BAZ1A: variants seen among roughly 807,000 people sequenced by gnomAD.
BAZ1A encodes bromodomain adjacent to zinc finger domain 1A.
A neutral mutation model predicts 185.2 loss-of-function variants in BAZ1A; 50 were observed. The ratio of observed to expected loss-of-function variants is 0.27; its 90% CI spans 0.22 to 0.34. The LOEUF (loss-of-function observed/expected upper bound fraction) is 0.34, where lower values mean the gene tolerates loss of function less well. Among genes scored for constraint, BAZ1A ranks in the 10% least tolerant of loss-of-function variants. The pLI, the probability that BAZ1A is intolerant of heterozygous loss-of-function variation, is 1.00. For missense variants in BAZ1A, 1,356 were observed against 1,839.9 expected, an observed-to-expected ratio of 0.74 and a Z score of 4.81; for synonymous variants, 571 against 615.6, an observed-to-expected ratio of 0.93 and a Z score of 1.07.
rs756026403 is a variant in BAZ1A at position 34,874,538 on chromosome 14, C to G, written c.67G>C (p.Glu23Gln). 41 of 1,611,872 alleles carry G rather than the reference C, an allele frequency of 2.5e-5. No homozygotes were observed. The highest frequency in any genetic ancestry group is 3.5e-5 in the Non-Finnish European group (41 of 1,179,036). Residue 23 changes from glutamate (E) to glutamine (Q), a missense_variant, in exon 2 of 27, where the codon GAA becomes CAA. Transcript: ENST00000360310. This position sits in a 1 kb window ranked among gnomAD's most constrained non-coding sequence, Gnocchi z 4.7. ...KPPADLRPDE[E>Q]VFYCKVTNEI... ...TTGGTGACTTTACAGTAGAAAACTT[C>G]CTCGTCGGGCCGCAGGTCCGCGGGC...
chr14:34,816,604 A>C (rs1323856589), intron 4 of BAZ1A: 1 of 175,762 alleles, frequency 5.7e-6, no homozygotes, highest in African/African-American at 2.4e-5. Context: ...GCTTTAAATC[A>C]CAATAACAGA....
intron 3 of BAZ1A, among the ~76,000 whole-genome samples, chr14:34,859,406 GGGCAACA>G (rs1478072703): frequency 6.8e-6 from 1 of 146,248 alleles, no homozygotes; most frequent in Non-Finnish European, 1.5e-5. Context: ...TGCACAGTCT[GGGCAACA>G]GGGCCAGACC....
chr14:34,773,874 G>T, intron 19 of BAZ1A, 148 bp from the exon 20 acceptor site: 1 of 800,406 alleles, frequency 1.2e-6, no homozygotes, highest in Non-Finnish European at 1.9e-6. Flanking sequence ...AGGTTACTAA[G>T]TGGCCAAACT....
intron 2 of BAZ1A, among the ~76,000 whole-genome samples, chr14:34,869,959 A>G (rs758123795): frequency 6.6e-6 from 1 of 152,166 alleles, no homozygotes; most frequent in Non-Finnish European, 1.5e-5. Flanking sequence ...GAGTTCCCAG[A>G]CCTGTGACTG....
chr14:34,863,438 C>G (rs1480852624), intron 2 of BAZ1A, among the ~76,000 whole-genome samples: 1 of 152,044 alleles, frequency 6.6e-6, no homozygotes, highest in Non-Finnish European at 1.5e-5. Context: ...GCTGGGATTA[C>G]AGGTGTGAGC....
intron 4 of BAZ1A, among the ~76,000 whole-genome samples, chr14:34,820,122 GTTTTTTTT>G (rs59706713): frequency 1.2e-5 from 1 of 80,662 alleles, no homozygotes; most frequent in Non-Finnish European, 2.2e-5. Context: ...TGGGTTCCTC[GTTTTTTTT>G]TTTTTTTTTT....
At chr14:34,763,758 TAA>T (rs1292899990) in intron 23 of BAZ1A, among the ~76,000 whole-genome samples, 1 of 152,222 alleles carries the variant, frequency 6.6e-6, no homozygotes, top group African/African-American at 2.4e-5. Context: ...ATTTTTAAAT[TAA>T]GATATAGAAA....
At chr14:34,822,694 T>C (rs912520967) in intron 4 of BAZ1A, among the ~76,000 whole-genome samples, 1 of 152,178 alleles carries the variant, frequency 6.6e-6, no homozygotes, top group Non-Finnish European at 1.5e-5. Flanking sequence ...CAAGTATCCG[T>C]ATACAAGGGA....
At chr14:34,827,116 A>G (rs937590696) in intron 3 of BAZ1A, among the ~76,000 whole-genome samples, 2 of 151,570 alleles carry the variant, frequency 1.3e-5, no homozygotes, top group African/African-American at 2.4e-5. Context: ...AATATCTCCT[A>G]TTGGTTCTGT....
rs140498181 is a variant in BAZ1A, at chr14:34,753,670, C to T, written c.4509G>A (p.Ser1503=). ...EFIDDIELMF[S]NCFEYNPRNT... ...TACGAGGGTTGTATTCAAAGCAGTT[C>T]GAAAACATTAACTCAATGTCATCAA... The change falls in exon 27 of 27, where the codon TCG becomes TCA. Residue 1503 remains serine, a synonymous_variant. Coordinates refer to ENST00000360310, the MANE Select transcript of BAZ1A (RefSeq NM_013448.3). 163 of 1,601,532 alleles carry T rather than the reference C, an allele frequency of 1.0e-4. No individual in the cohort carries two copies. The highest frequency in any genetic ancestry group is 1.4e-4 in the South Asian group (13 of 90,160).
intron 3 of BAZ1A, among the ~76,000 whole-genome samples, chr14:34,860,142 G>GT (rs1172375637): frequency 1.3e-5 from 2 of 151,846 alleles, no homozygotes; most frequent in South Asian, 2.1e-4. Context: ...GTTTTGTTTT[G>GT]TTTTTTTAAC....
chr14:34,841,575 A>G (rs1051158911), intron 3 of BAZ1A, among the ~76,000 whole-genome samples: 1 of 152,134 alleles, frequency 6.6e-6, no homozygotes, highest in East Asian at 1.9e-4. Context: ...TTTTTAGTAG[A>G]GACAGGGTCT....
chr14:34,759,188 T>G (rs1344888434), intron 24 of BAZ1A, among the ~76,000 whole-genome samples: 2 of 136,140 alleles, frequency 1.5e-5, no homozygotes, highest in South Asian at 2.5e-4. Flanking sequence ...TTTTTTTTTT[T>G]TTTTTTTTTT....
intron 4 of BAZ1A, among the ~76,000 whole-genome samples, chr14:34,814,286 A>G (rs997724813): frequency 6.6e-6 from 1 of 151,528 alleles, no homozygotes; most frequent in Admixed American, 6.6e-5. Flanking sequence ...TATGCATTAT[A>G]TATTAACATA....
chr14:34,872,596 G>T (rs748766392), intron 2 of BAZ1A, among the ~76,000 whole-genome samples: 7 of 152,152 alleles, frequency 4.6e-5, no homozygotes, highest in Non-Finnish European at 7.3e-5. Flanking sequence ...GCGAGAACCT[G>T]TCTCAAAATA....
chr14:34,846,685 T>A (rs765543836), intron 3 of BAZ1A, among the ~76,000 whole-genome samples: 13 of 152,340 alleles, frequency 8.5e-5, no homozygotes, highest in East Asian at 3.9e-4. Flanking sequence ...TATACTATTA[T>A]GCATAAGGGT....
intron 4 of BAZ1A, among the ~76,000 whole-genome samples, chr14:34,825,237 T>C (rs2042149018): frequency 6.6e-6 from 1 of 152,126 alleles, no homozygotes; most frequent in Non-Finnish European, 1.5e-5. Context: ...GTCAATCACC[T>C]GAGGTCAGGA....
intron 3 of BAZ1A, among the ~76,000 whole-genome samples, chr14:34,834,002 T>C (rs186375144): frequency 7.2e-5 from 11 of 152,310 alleles, no homozygotes; most frequent in Admixed American, 7.2e-4. Flanking sequence ...CTTTCACCAC[T>C]GACTGGTAGA....
At chr14:34,799,220 A>G (rs554030367) in intron 9 of BAZ1A, among the ~76,000 whole-genome samples, 1 of 114,632 alleles carries the variant, frequency 8.7e-6, no homozygotes, top group Admixed American at 1.3e-4. Flanking sequence ...AATATCATAC[A>G]CCAGGGCCTG....
Sources: gnomAD v4.1 joint callset for allele counts (sites outside exome capture counted in the v4.1 genomes callset) on GRCh38, gnomAD v4.1.1 for gene constraint, Gnocchi (gnomAD v3.1) non-coding constraint, MANE v1.5 for transcripts, NCBI Gene and HGNC (gene_info 2026-07-23, HGNC 2026-07-21) for gene names.